Variants in RAF1 observed in about 807,000 individuals in gnomAD.
The protein encoded by RAF1 is Raf-1 proto-oncogene, serine/threonine kinase.
RAF1 carries 27 observed loss-of-function variants against 81.1 expected under a neutral mutation model. That is an observed-to-expected ratio of 0.33 (90% CI 0.25 to 0.46). The LOEUF is 0.46. RAF1 is among the 20% of genes least tolerant of loss of function. The probability of loss-of-function intolerance (pLI) is 1.00; values close to 1 mark genes in which losing one functional copy is unlikely to be tolerated. For synonymous variants in RAF1, 298 were observed against 294.0 expected (o/e 1.01, Z -0.14); for missense variants, 598 against 826.0 (o/e 0.72, Z 3.38).
intron 1 of RAF1, among the ~76,000 whole-genome samples, chr3:12,634,151 CTCT>C (rs761682832): frequency 9.0e-5 from 5 of 55,548 alleles, no homozygotes; most frequent in South Asian, 1.1e-3. Flanking sequence ...ATTCCTTTCT[CTCT>C]TTTTTTTTTT....
intron 3 of RAF1, among the ~76,000 whole-genome samples, chr3:12,611,331 C>G (rs545438085): frequency 1.3e-5 from 2 of 151,996 alleles, no homozygotes. Flanking sequence ...AATATTCTCA[C>G]GTCAGCCTTT....
intron 1 of RAF1, among the ~76,000 whole-genome samples, chr3:12,656,342 T>C (rs1293530142): frequency 6.6e-6 from 1 of 152,096 alleles, no homozygotes; most frequent in Non-Finnish European, 1.5e-5. Flanking sequence ...GTCAGTGTCC[T>C]GCTAAAGCAG....
chr3:12,633,014 CAAAG>C (rs1382068810), intron 1 of RAF1, among the ~76,000 whole-genome samples: 1 of 152,138 alleles, frequency 6.6e-6, no homozygotes, highest in Non-Finnish European at 1.5e-5. Context: ...CAACCAAACT[CAAAG>C]AAACTAAAAT....
chr3:12,639,339 C>T (rs2060118339), intron 1 of RAF1, among the ~76,000 whole-genome samples: 1 of 152,142 alleles, frequency 6.6e-6, no homozygotes, highest in Non-Finnish European at 1.5e-5. Context: ...TCTCACCACT[C>T]CTATTTAACA....
At chr3:12,642,671 TACACACACACACACACACACACACAC>T (rs71063856) in intron 1 of RAF1, among the ~76,000 whole-genome samples, 25 of 117,058 alleles carry the variant, frequency 2.1e-4, no homozygotes, top group African/African-American at 7.8e-4. Flanking sequence ...ACACCATCTC[TACACACACACACACACACACACACAC>T]ACACACACAC....
At chr3:12,587,446 C>T in intron 14 of RAF1, 145 bp downstream of exon 13, 1 of 825,182 alleles carries the variant, frequency 1.2e-6, no homozygotes, top group East Asian at 2.4e-5. Context: ...TACTAATTTT[C>T]TGACTTTTCT....
intron 10 of RAF1, 125 bp downstream of exon 9, chr3:12,600,027 T>C (rs1459083723): frequency 1.4e-6 from 2 of 1,455,010 alleles, no homozygotes; most frequent in East Asian, 4.5e-5. Context: ...GTAACATTTA[T>C]AATCTCCTTC....
intron 1 of RAF1, among the ~76,000 whole-genome samples, chr3:12,655,114 C>G (rs377597353): frequency 1.3e-5 from 2 of 151,738 alleles, no homozygotes; most frequent in Non-Finnish European, 2.9e-5. Flanking sequence ...TTTTTTGAGA[C>G]GAAGTCTCAC....
intron 1 of RAF1, among the ~76,000 whole-genome samples, chr3:12,641,812 G>A (rs1347793301): frequency 2.6e-5 from 4 of 152,086 alleles, no homozygotes; most frequent in African/African-American, 9.7e-5. Context: ...TTTCTTAAGT[G>A]TAACTACGTA....
intron 1 of RAF1, among the ~76,000 whole-genome samples, chr3:12,650,463 T>C (rs1004853709): frequency 2.6e-5 from 4 of 152,182 alleles, no homozygotes; most frequent in Non-Finnish European, 5.9e-5. Flanking sequence ...TGAATATCAA[T>C]GGAGAAAAGT....
chr3:12,591,646 A>AG (rs1553611308), intron 12 of RAF1, 62 bp downstream of exon 11: 5 of 1,436,298 alleles, frequency 3.5e-6, no homozygotes, highest in Non-Finnish European at 9.8e-7. Context: ...CACTAACTCT[A>AG]CAGTCCTTGT....
chr3:12,605,250 A>ATATGTGTGTGTGTGTG lies in RAF1; in HGVS notation c.680+950_680+951insCACACACACACACATA, dbSNP rs1553613998. On this transcript the variant is annotated intron_variant, in intron 6 of 17. Coordinates refer to ENST00000442415, the MANE Select transcript of RAF1 (RefSeq NM_001354689.3). ...ATTAAACATTATCTGATTACACATT[A>ATATGTGTGTGTGTGTG]TGTGTGTGTGTGTGTGTGTGTGTGT... 4.7e-3 allele frequency among the ~76,000 whole-genome samples: 686 copies of ATATGTGTGTGTGTGTG among 144,620 alleles called. 7 individuals carry two copies. Among genetic ancestry groups the ATATGTGTGTGTGTGTG allele is most frequent in the African/African-American group, 0.016 (633 of 38,780 alleles). The allele number at this position is 144,620 out of a possible 152,430, so 94.9% of individuals were successfully genotyped here.
intron 11 of RAF1, among the ~76,000 whole-genome samples, chr3:12,593,096 T>C (rs1575549417): frequency 4.0e-5 from 2 of 49,776 alleles, no homozygotes; most frequent in Admixed American, 1.8e-4. Flanking sequence ...TCCTCCTTCC[T>C]TTTTTTTTTT....
chr3:12,638,663 T>A (rs1414235728), intron 1 of RAF1, among the ~76,000 whole-genome samples: 1 of 152,210 alleles, frequency 6.6e-6, no homozygotes, highest in Non-Finnish European at 1.5e-5. Flanking sequence ...AAATATTTTC[T>A]ACCTACTCAC....
rs3072126 is a variant in RAF1, at chr3:12,649,589, T to TCACA, written c.-27+14220_-27+14223dup. ...ACTCCAGCATGGGGGCCAGAGACTG[T>TCACA]CACACACACACACACACACACACAC... On this transcript the variant is annotated intron_variant, in intron 1 of 17. Coordinates refer to ENST00000442415, the MANE Select transcript of RAF1 (RefSeq NM_001354689.3). 1.1e-3 allele frequency among the ~76,000 whole-genome samples: 168 copies of TCACA among 150,464 alleles called. 1 individual carries two copies. The highest frequency in any genetic ancestry group is 1.8e-3 in the Non-Finnish European group (124 of 67,456).
At chr3:12,663,039 T>C (rs2060929222) in intron 1 of RAF1, among the ~76,000 whole-genome samples, 1 of 152,030 alleles carries the variant, frequency 6.6e-6, no homozygotes, top group South Asian at 2.1e-4. Flanking sequence ...ACAGAATGAA[T>C]ACCAGGGGCA....
At position 12,612,027 on chromosome 3, in the gene RAF1, G is replaced by A. The variant is rs2125431137; in HGVS notation, c.243C>T (p.Cys81=). 6.2e-7 allele frequency: 1 copy of A among 1,614,070 alleles called. No homozygotes were observed. Among genetic ancestry groups the A allele is most frequent in the Non-Finnish European group, 8.5e-7 (1 of 1,180,014 alleles). Residue 81 remains cysteine (C), a synonymous_variant, in exon 3 of 18, where the codon TGC becomes TGT. Transcript: ENST00000442415. ...CCCTCACCTTGAGTGCTTTCATAAG[G>A]CAGTCATGCAAGCTCATTCCATTTC...
chr3:12,604,503 T>C (rs1157072723), intron 6 of RAF1, among the ~76,000 whole-genome samples: 2 of 152,208 alleles, frequency 1.3e-5, no homozygotes, highest in African/African-American at 2.4e-5. Context: ...AAATAATATA[T>C]GTATTGGGAA....
At chr3:12,640,796 T>A (rs1212234741) in intron 1 of RAF1, among the ~76,000 whole-genome samples, 1 of 152,116 alleles carries the variant, frequency 6.6e-6, no homozygotes, top group East Asian at 1.9e-4. Flanking sequence ...ATTGTGGAAG[T>A]CAGTGTGGCG....
Sources: gnomAD v4.1 joint callset for allele counts (sites outside exome capture counted in the v4.1 genomes callset) on GRCh38, gnomAD v4.1.1 for gene constraint, MANE v1.5 for transcripts, NCBI Gene and HGNC (gene_info 2026-07-23, HGNC 2026-07-21) for gene names.